IFT88: variants seen among roughly 807,000 people sequenced by gnomAD.
The protein encoded by IFT88 is intraflagellar transport protein 88 homolog.
IFT88 carries 74 observed loss-of-function variants against 119.5 expected under a neutral mutation model. That is an observed-to-expected ratio of 0.62 (90% CI 0.51 to 0.75). The LOEUF (loss-of-function observed/expected upper bound fraction) is 0.75. IFT88 is among the 30% of genes least tolerant of loss of function. IFT88 has a pLI of 0.00. For synonymous variants in IFT88, 279 were observed against 316.7 expected (o/e 0.88, Z 1.26); for missense variants, 961 against 977.7 (o/e 0.98, Z 0.23).
At chr13:20,580,766 C>T (rs1178815768) in intron 2 of IFT88, among the ~76,000 whole-genome samples, 3 of 141,260 alleles carry the variant, frequency 2.1e-5, no homozygotes, top group Non-Finnish European at 3.0e-5. Context: ...CGCTCTGTAG[C>T]CCAGGGTGGA....
chr13:20,651,534 G>T (rs1290312999), intron 20 of IFT88, among the ~76,000 whole-genome samples: 1 of 150,824 alleles, frequency 6.6e-6, no homozygotes, highest in East Asian at 1.9e-4. Context: ...AACAACCTAG[G>T]TGTCCATCAA....
At chr13:20,597,925 A>G (rs1047794528) in intron 9 of IFT88, among the ~76,000 whole-genome samples, 2 of 152,064 alleles carry the variant, frequency 1.3e-5, no homozygotes, top group African/African-American at 4.8e-5. Context: ...CTTTAGGCAT[A>G]TAAAATAATG....
chr13:20,618,849 AT>A (rs1403307255), intron 14 of IFT88, among the ~76,000 whole-genome samples: 11 of 113,452 alleles, frequency 9.7e-5, no homozygotes, highest in East Asian at 5.9e-4. Flanking sequence ...TGATTAAATT[AT>A]TTTTTTTTCC....
intron 15 of IFT88, 103 bp downstream of exon 15, chr13:20,625,952 C>T (rs1000674554): frequency 9.8e-6 from 4 of 407,396 alleles, no homozygotes; most frequent in South Asian, 1.4e-4. Flanking sequence ...TGTGATTATT[C>T]TGAAGTTGAA....
intron 2 of IFT88, among the ~76,000 whole-genome samples, chr13:20,575,247 A>G (rs1174956791): frequency 6.6e-6 from 1 of 152,164 alleles, no homozygotes; most frequent in African/African-American, 2.4e-5. Context: ...TTCACTTAAT[A>G]GAATGGCCTC....
At chr13:20,633,860 T>C (rs1301115782) in intron 16 of IFT88, among the ~76,000 whole-genome samples, 1 of 152,216 alleles carries the variant, frequency 6.6e-6, no homozygotes, top group Non-Finnish European at 1.5e-5. Flanking sequence ...TTTCTCTTGC[T>C]GTGTAATGAA....
At chr13:20,660,602 G>A (rs2053626743) in intron 22 of IFT88, among the ~76,000 whole-genome samples, 1 of 152,212 alleles carries the variant, frequency 6.6e-6, no homozygotes, top group African/African-American at 2.4e-5. Flanking sequence ...ATTTAGCAGT[G>A]GAGGTGGGCA....
chr13:20,627,873 CTCT>C (rs2047602711), intron 15 of IFT88, among the ~76,000 whole-genome samples: 1 of 151,942 alleles, frequency 6.6e-6, no homozygotes, highest in Admixed American at 6.6e-5. Flanking sequence ...GCTTTCCTAG[CTCT>C]TCTTGTTCAA....
intron 2 of IFT88, among the ~76,000 whole-genome samples, chr13:20,579,618 A>G (rs1297447955): frequency 6.6e-6 from 1 of 152,308 alleles, no homozygotes; most frequent in East Asian, 1.9e-4. Flanking sequence ...CAGGGACCCT[A>G]AGAACCCACT....
At chr13:20,569,410 A>T (rs896506277) in intron 1 of IFT88, among the ~76,000 whole-genome samples, 1 of 151,088 alleles carries the variant, frequency 6.6e-6, no homozygotes, top group Non-Finnish European at 1.5e-5. Flanking sequence ...CGTCTCTACT[A>T]AAAATACAAA....
chr13:20,653,061 A>G (rs1431468262), intron 20 of IFT88, among the ~76,000 whole-genome samples: 2 of 152,186 alleles, frequency 1.3e-5, no homozygotes, highest in Non-Finnish European at 2.9e-5. Flanking sequence ...GGTGGAAGGG[A>G]GGTAACAGGT....
intron 3 of IFT88, among the ~76,000 whole-genome samples, chr13:20,585,341 G>A (rs1258379673): frequency 6.6e-6 from 1 of 152,210 alleles, no homozygotes; most frequent in African/African-American, 2.4e-5. Context: ...TCATGGGAAA[G>A]ATACAAATTA....
At chr13:20,605,668 T>A (rs1459668406) in intron 13 of IFT88, among the ~76,000 whole-genome samples, 2 of 152,190 alleles carry the variant, frequency 1.3e-5, no homozygotes, top group Non-Finnish European at 1.5e-5. Context: ...ACTACTACCC[T>A]GTTCCTCACT....
At chr13:20,612,661 G>A (rs1218945128) in intron 13 of IFT88, among the ~76,000 whole-genome samples, 2 of 152,088 alleles carry the variant, frequency 1.3e-5, no homozygotes, top group Admixed American at 6.6e-5. Flanking sequence ...GGAAATGGAA[G>A]GGAACCAGAA....
chr13:20,666,552 A>G (rs2054719669), intron 23 of IFT88, among the ~76,000 whole-genome samples: 2 of 152,240 alleles, frequency 1.3e-5, no homozygotes, highest in Non-Finnish European at 1.5e-5. Flanking sequence ...ACAGATTCAT[A>G]ATAAAGAGTA....
chr13:20,642,832 CT>C (rs1422368990), intron 18 of IFT88: 1 of 151,136 alleles, frequency 6.6e-6, no homozygotes, highest in African/African-American at 2.4e-5. Flanking sequence ...AACAGTAGAT[CT>C]TCTGGTGTCA....
chr13:20,590,476 C>T (rs994028578), intron 4 of IFT88, among the ~76,000 whole-genome samples: 4 of 152,056 alleles, frequency 2.6e-5, no homozygotes, highest in Non-Finnish European at 4.4e-5. Context: ...AGGGCACTTG[C>T]CTTTATAATG....
chr13:20,569,768 C>G (rs541023376), intron 1 of IFT88, among the ~76,000 whole-genome samples: 149 of 151,918 alleles, frequency 9.8e-4, no homozygotes, highest in African/African-American at 3.3e-3. Context: ...GTGGTTCACG[C>G]CTGTAATCCC....
chr13:20,646,512 T>A (rs1344074272), intron 20 of IFT88, among the ~76,000 whole-genome samples: 1 of 151,894 alleles, frequency 6.6e-6, no homozygotes, highest in Non-Finnish European at 1.5e-5. Flanking sequence ...GAAACGGAGT[T>A]TCACCATGTT....
Sources: allele counts gnomAD v4.1 joint callset (sites outside exome capture counted in the v4.1 genomes callset), GRCh38; gene constraint gnomAD v4.1.1; transcripts MANE v1.5; gene names NCBI Gene and HGNC (gene_info 2026-07-23, HGNC 2026-07-21).